Variants in RPAP2 observed in about 807,000 individuals in gnomAD.
RPAP2 encodes RNA polymerase II associated protein 2, also known as putative RNA polymerase II subunit B1 CTD phosphatase RPAP2.
A neutral mutation model predicts 73.1 loss-of-function variants in RPAP2; 52 were observed. That is an observed-to-expected ratio of 0.71 (90% CI 0.57 to 0.90). RPAP2 has a LOEUF of 0.90. Ranked by LOEUF, RPAP2 falls within the 40% of genes least tolerant of loss-of-function variation. The pLI is 0.00. For synonymous variants in RPAP2, 225 were observed against 242.1 expected, an observed-to-expected ratio of 0.93 and a Z score of 0.65; for missense variants, 598 against 701.8, an observed-to-expected ratio of 0.85 and a Z score of 1.67.
In RPAP2 at chr1:92,304,041, GTGGTTAT is replaced by G; in HGVS notation, c.300_306del (p.Gly101LeufsTer68). The G allele has an allele frequency of 3.1e-6, 5 of 1,612,850 alleles. No individual in the cohort carries two copies. Among genetic ancestry groups the G allele is most frequent in the Non-Finnish European group, 4.2e-6 (5 of 1,179,490 alleles). On this transcript the variant is annotated frameshift_variant, in exon 4 of 13. Transcript: ENST00000610020. LOFTEE classifies it high-confidence loss of function. Reference sequence around the variant, plus strand: ...GATGAACGTTCTATTGTCAAACTCTGTGGTTATCCTTTATGTCAGAAGAAGCTGGGAA... The same window carrying G: ...GATGAACGTTCTATTGTCAAACTCTGCCTTTATGTCAGAAGAAGCTGGGAA...
intron 6 of RPAP2, among the ~76,000 whole-genome samples, chr1:92,315,779 A>G (rs1050348179): frequency 2.6e-5 from 4 of 152,182 alleles, no homozygotes; most frequent in African/African-American, 9.6e-5. Flanking sequence ...CTCATCTTTA[A>G]GGTATGTAAA....
chr1:92,353,742 T>C (rs1654328496), intron 11 of RPAP2, among the ~76,000 whole-genome samples: 1 of 152,194 alleles, frequency 6.6e-6, no homozygotes, highest in African/African-American at 2.4e-5. Context: ...AAGCAATAAT[T>C]AGATTATTTC....
intron 12 of RPAP2, among the ~76,000 whole-genome samples, chr1:92,383,415 T>G (rs1655733947): frequency 6.6e-6 from 1 of 152,338 alleles, no homozygotes; most frequent in Admixed American, 6.5e-5. Context: ...GGAATGTTCT[T>G]CCATTTGTTT....
At position 92,307,755 on chromosome 1, in the gene RPAP2, G is replaced by A. The variant is rs573937133; in HGVS notation, c.488+479G>A. 3.8e-4 allele frequency among the ~76,000 whole-genome samples: 58 copies of A among 151,762 alleles called. 1 individual carries two copies. In the South Asian group the frequency reaches 0.012, roughly 31 times the overall value. The stretch of plus-strand genomic sequence containing the variant: ...TTTTTTTTGTAAAAAGAGTTTATGG[G>A]CAATGCTGGAGTTTAGCCTCTTGGG... On this transcript the variant is annotated intron_variant, in intron 6 of 12. Transcript: ENST00000610020.
chr1:92,335,302 G>C (rs531023795), intron 9 of RPAP2, among the ~76,000 whole-genome samples: 46 of 152,184 alleles, frequency 3.0e-4, no homozygotes, highest in Non-Finnish European at 4.9e-4. Context: ...ATTGAATCTG[G>C]AAATAGATAT....
intron 6 of RPAP2, among the ~76,000 whole-genome samples, chr1:92,310,346 TG>T (rs1447350286): frequency 1.3e-5 from 2 of 152,208 alleles, no homozygotes; most frequent in Admixed American, 1.3e-4. Context: ...TCTAGAATTT[TG>T]TATTTTTAAA....
At chr1:92,373,784 G>T (rs916398777) in intron 11 of RPAP2, among the ~76,000 whole-genome samples, 1 of 148,910 alleles carries the variant, frequency 6.7e-6, no homozygotes, top group Non-Finnish European at 1.5e-5. Flanking sequence ...GCCAGGCGTG[G>T]TGGTGGCGCA....
At position 92,362,478 on chromosome 1, in the gene RPAP2, C is replaced by T. The variant is rs568962030; in HGVS notation, c.1688+16564C>T. On this transcript the variant is annotated intron_variant, in intron 11 of 12. Transcript: ENST00000610020. ...TCTCACTATTGGCTGTTTGTGTTGTCCCACCATTCGCTTTGAATGAGTTTG... is the reference window on the plus strand; with the variant it reads ...TCTCACTATTGGCTGTTTGTGTTGTTCCACCATTCGCTTTGAATGAGTTTG... Among the ~76,000 whole-genome samples, 48 of 152,258 alleles carry T rather than the reference C, an allele frequency of 3.2e-4. No homozygotes were observed. In the South Asian group the frequency reaches 9.7e-3, roughly 31 times the overall value.
chr1:92,333,797 G>T (rs1361741676), intron 9 of RPAP2, among the ~76,000 whole-genome samples: 1 of 152,152 alleles, frequency 6.6e-6, no homozygotes, highest in Non-Finnish European at 1.5e-5. Context: ...ATACTGATTT[G>T]CGGTAAATGT....
chr1:92,317,706 A>G (rs187741447), intron 6 of RPAP2, among the ~76,000 whole-genome samples: 1 of 152,260 alleles, frequency 6.6e-6, no homozygotes, highest in Non-Finnish European at 1.5e-5. Flanking sequence ...TTTTACCACA[A>G]TTTAAAAAAT....
Position 92,396,879 on chromosome 1 carries a change from A to T in RPAP2, c.*9868A>T, listed in dbSNP as rs904833260. 6.6e-6 allele frequency: 1 copy of T among 152,088 alleles called. No homozygotes were observed. The highest frequency in any genetic ancestry group is 1.5e-5 in the Non-Finnish European group (1 of 68,026). The allele number at this position is 152,088 out of a possible 1,614,324, so 9.4% of individuals were successfully genotyped here. Reference sequence around the variant, plus strand: ...GGTCTCGAACTCCTGACCTCAGGTGATCCTCCTGCCTCGGCCTCCCAAAGC... The same window carrying T: ...GGTCTCGAACTCCTGACCTCAGGTGTTCCTCCTGCCTCGGCCTCCCAAAGC... On this transcript the variant is annotated 3_prime_UTR_variant, in exon 13 of 13. Transcript: ENST00000610020.
At position 92,399,809 on chromosome 1, in the gene RPAP2, G is replaced by C. The variant is rs1656271338; in HGVS notation, c.*12798G>C. On this transcript the variant is annotated 3_prime_UTR_variant, in exon 13 of 13. Coordinates refer to ENST00000610020, the MANE Select transcript of RPAP2 (RefSeq NM_024813.3). ...GAAAAAATACACTAAATTTTAGACA[G>C]AGTCACTTTCACTATGGCCACAATG... The C allele has an allele frequency of 1.3e-5, 2 of 152,214 alleles. No individual in the cohort carries two copies. Among genetic ancestry groups the C allele is most frequent in the African/African-American group, 4.8e-5 (2 of 41,546 alleles). 9.4% of individuals were successfully genotyped at this position (152,214 alleles called of 1,614,324 possible).
chr1:92,301,804 A>G (rs905855838), intron 3 of RPAP2, among the ~76,000 whole-genome samples: 3 of 152,242 alleles, frequency 2.0e-5, no homozygotes, highest in Non-Finnish European at 1.5e-5. Context: ...ATAAGTACGT[A>G]ACAAGGTGAT....
chr1:92,359,619 A>G (rs962310795), intron 11 of RPAP2, among the ~76,000 whole-genome samples: 1 of 152,178 alleles, frequency 6.6e-6, no homozygotes. Context: ...CGTGCCTGGC[A>G]ATGCACTTGG....
At chr1:92,327,491 G>T (rs1194726839) in intron 8 of RPAP2, among the ~76,000 whole-genome samples, 2 of 152,128 alleles carry the variant, frequency 1.3e-5, no homozygotes, top group Non-Finnish European at 2.9e-5. Flanking sequence ...CTCACTTTTG[G>T]TGTCCATTTG....
intron 10 of RPAP2, among the ~76,000 whole-genome samples, chr1:92,345,436 G>A (rs1179898108): frequency 1.5e-5 from 2 of 135,596 alleles, no homozygotes; most frequent in Non-Finnish European, 3.2e-5. Flanking sequence ...AGGAAGGAAG[G>A]AAGGGAGGGA....
At chr1:92,336,520 A>T (rs1291410305) in intron 10 of RPAP2, 93 bp downstream of exon 10, 1 of 797,714 alleles carries the variant, frequency 1.3e-6, no homozygotes, top group Non-Finnish European at 2.1e-6. Flanking sequence ...TAAGTGACTT[A>T]CCTTTCAATG....
intron 6 of RPAP2, among the ~76,000 whole-genome samples, chr1:92,314,082 C>G (rs1651757414): frequency 6.6e-6 from 1 of 152,176 alleles, no homozygotes; most frequent in African/African-American, 2.4e-5. Context: ...AGCAATAAGG[C>G]TGTTTTGCTT....
intron 11 of RPAP2, among the ~76,000 whole-genome samples, chr1:92,374,012 C>A (rs1655286902): frequency 6.6e-6 from 1 of 152,120 alleles, no homozygotes; most frequent in African/African-American, 2.4e-5. Context: ...TTTGCTGGTA[C>A]TACACTTGCA....
Sources: gnomAD v4.1 joint callset for allele counts (sites outside exome capture counted in the v4.1 genomes callset) on GRCh38, gnomAD v4.1.1 for gene constraint, MANE v1.5 for transcripts, NCBI Gene and HGNC (gene_info 2026-07-23, HGNC 2026-07-21) for gene names.